CROCC: variants seen among roughly 807,000 people sequenced by gnomAD.
The protein encoded by CROCC is ciliary rootlet coiled-coil, rootletin, also known as rootletin.
CROCC carries 180 observed loss-of-function variants against 245.2 expected under a neutral mutation model. That is an observed-to-expected ratio of 0.73 (90% CI 0.65 to 0.83). The LOEUF (loss-of-function observed/expected upper bound fraction) is 0.83, where lower values mean the gene tolerates loss of function less well. CROCC is among the 40% of genes least tolerant of loss of function. The pLI is 0.00. For missense variants in CROCC, 2,688 were observed against 2,779.4 expected (o/e 0.97, Z 0.74); for synonymous variants, 1,205 against 1,241.6 (o/e 0.97, Z 0.62).
In CROCC at chr1:16,946,282, C is replaced by T. The variant is rs146539995; in HGVS notation, c.2160C>T (p.Leu720=). The stretch of plus-strand genomic sequence containing the variant: ...AGGCTGAGGCTGGCCGCGTGGAGCT[C>T]GAGCTCTCCATGACCAAGCTGAGGG... The part of the protein sequence containing the change: ...LTKAEAGRVE[L]ELSMTKLRAE... Residue 720 remains leucine (L), a synonymous_variant, in exon 16 of 37, where the codon CTC becomes CTT. Coordinates refer to ENST00000375541, the MANE Select transcript of CROCC (RefSeq NM_014675.5). The T allele has an allele frequency of 1.0e-3, 1,612 of 1,613,032 alleles. 2 individuals carry two copies. In the African/African-American group the frequency reaches 0.018, roughly 18 times the overall value.
In CROCC at chr1:16,939,215, CG is replaced by C. The variant is rs1464212435; in HGVS notation, c.1608+78del. Reference sequence around the variant, plus strand: ...GGGGCTCGCGCCCTCCGGGTGGGGGCGGGGGCGGGGGCAGGTCCGGGGCCAG... The same window carrying C: ...GGGGCTCGCGCCCTCCGGGTGGGGGCGGGGCGGGGGCAGGTCCGGGGCCAG... On this transcript the variant is annotated intron_variant, in intron 12 of 36. Coordinates refer to ENST00000375541, the MANE Select transcript of CROCC (RefSeq NM_014675.5). 5 of 491,116 alleles carry C rather than the reference CG, an allele frequency of 1.0e-5. No individual in the cohort carries two copies. The Admixed American group carries it at 2.0e-4, about 19-fold the overall frequency. The allele number at this position is 491,116 out of a possible 1,614,324, so 30.4% of individuals were successfully genotyped here.
Position 16,966,315 on chromosome 1 carries a change from C to T in CROCC, c.4697-93C>T. 2 of 1,447,982 alleles carry T rather than the reference C, an allele frequency of 1.4e-6. No individual in the cohort carries two copies. The highest frequency in any genetic ancestry group is 9.1e-7 in the Non-Finnish European group (1 of 1,094,708). The allele number at this position is 1,447,982 out of a possible 1,614,324, so 89.7% of individuals were successfully genotyped here. A position where few individuals can be genotyped will look rare whatever the true frequency, so the allele number is the denominator to read the frequency against. ...GAAGGGTGCAGACAGTCTGGCCCTG[C>T]ACTGGGTGGAGTGCAGGCTGGACAT... On this transcript the variant is annotated intron_variant, in intron 29 of 36. Coordinates refer to ENST00000375541, the MANE Select transcript of CROCC (RefSeq NM_014675.5). This position sits in a 1 kb window ranked among gnomAD's most constrained non-coding sequence, Gnocchi z 4.8.
At chr1:16,936,605 C>A in intron 8 of CROCC, 32 bp from the exon 9 acceptor site, 2 of 1,535,362 alleles carry the variant, frequency 1.3e-6, no homozygotes, top group South Asian at 1.3e-5. Context: ...GAGCAAGCCC[C>A]ATCCATCCCC....
Position 16,954,781 on chromosome 1 carries a change from G to A in CROCC, c.3369G>A (p.Gln1123=). The change falls in exon 23 of 37, where the codon CAG becomes CAA. Residue 1123 remains glutamine (Q), a synonymous_variant. Coordinates refer to ENST00000375541, the MANE Select transcript of CROCC (RefSeq NM_014675.5). The surrounding 1 kb of genome is among the most constrained non-coding windows in gnomAD (Gnocchi z 4.4). ...LTSELRDLRA[Q]REEAAAAHAQ... is the part of the protein sequence containing the mutation. ...CTGAGCTGCGGGACCTACGGGCCCAGCGGGAGGAGGCTGCTGCGGCCCACG... is the reference window on the plus strand; with the variant it reads ...CTGAGCTGCGGGACCTACGGGCCCAACGGGAGGAGGCTGCTGCGGCCCACG... 1.9e-6 allele frequency: 3 copies of A among 1,554,376 alleles called. No homozygotes were observed. The highest frequency in any genetic ancestry group is 1.2e-5 in the South Asian group (1 of 84,314).
At chr1:16,918,618 T>C (rs1459595138), upstream of CROCC, among the ~76,000 whole-genome samples, 6 of 152,248 alleles carry the variant, frequency 3.9e-5, no homozygotes, top group Non-Finnish European at 7.3e-5. Flanking sequence ...TTCCCCCCTG[T>C]TCTGGTGGGC....
intron 1 of CROCC, among the ~76,000 whole-genome samples, chr1:16,916,693 G>T (rs1390372712): frequency 1.3e-5 from 2 of 152,176 alleles, no homozygotes; most frequent in African/African-American, 4.8e-5. Flanking sequence ...TTATTTTTTT[G>T]GCAGAGATGG....
At position 16,954,252 on chromosome 1, in the gene CROCC, G is replaced by C. The variant is rs774665432; in HGVS notation, c.3216G>C (p.Thr1072=). The C allele has an allele frequency of 3.1e-6, 5 of 1,611,534 alleles. No homozygotes were observed. Among genetic ancestry groups the C allele is most frequent in the Non-Finnish European group, 4.2e-6 (5 of 1,179,782 alleles). The change falls in exon 22 of 37, where the codon ACG becomes ACC. Residue 1072 remains threonine (T), a synonymous_variant. Coordinates refer to ENST00000375541, the MANE Select transcript of CROCC (RefSeq NM_014675.5). This position sits in a 1 kb window ranked among gnomAD's most constrained non-coding sequence, Gnocchi z 4.4. ...QALSLKESEK[T]ALSEKLMGTR... is the part of the protein sequence containing the mutation. ...TGTCTCTGAAGGAGTCTGAGAAGAC[G>C]GCGCTGTCAGAGAAGTTGATGGGTA...
intron 1 of CROCC, among the ~76,000 whole-genome samples, chr1:16,914,244 G>C (rs1255854756): frequency 1.3e-5 from 2 of 152,116 alleles, no homozygotes; most frequent in Admixed American, 1.3e-4. Flanking sequence ...GGGGCTGGGG[G>C]CGCTGTGTGT....
upstream of CROCC, among the ~76,000 whole-genome samples, chr1:16,921,781 C>T (rs1189982880): frequency 6.6e-6 from 1 of 152,234 alleles, no homozygotes; most frequent in Admixed American, 6.5e-5. Flanking sequence ...CTCTCTTCAT[C>T]CTTCCTCTTC....
intron 25 of CROCC, among the ~76,000 whole-genome samples, chr1:16,958,139 G>C (rs890733488): frequency 6.6e-6 from 1 of 152,120 alleles, no homozygotes; most frequent in Non-Finnish European, 1.5e-5. Context: ...TGTTAGATAG[G>C]GATAATGTTA....
At chr1:16,968,100 C>A in intron 30 of CROCC, 103 bp from the exon 31 acceptor site, 2 of 1,221,138 alleles carry the variant, frequency 1.6e-6, no homozygotes, top group Non-Finnish European at 2.3e-6. Context: ...GTAGGTCACC[C>A]TTCGAGGCTG....
chr1:16,916,456 G>A (rs1379418958), intron 1 of CROCC, among the ~76,000 whole-genome samples: 3 of 152,272 alleles, frequency 2.0e-5, no homozygotes, highest in Non-Finnish European at 4.4e-5. Context: ...TCGGCGTCCT[G>A]GGGTGGTGCC....
chr1:16,923,819 TACAGGCATACACC>T lies in CROCC; in HGVS notation c.197-503_197-491del, dbSNP rs1160113963. On this transcript the variant is annotated intron_variant, in intron 2 of 36. Coordinates refer to ENST00000375541, the MANE Select transcript of CROCC (RefSeq NM_014675.5). Reference sequence around the variant, plus strand: ...TCTCAGCCTCCCAAGTAGCTGGGACTACAGGCATACACCACCATGCCCAGCTAATTTTTGTATT... The same window carrying T: ...TCTCAGCCTCCCAAGTAGCTGGGACTACCATGCCCAGCTAATTTTTGTATT... Among the ~76,000 whole-genome samples, 13 of 152,308 alleles carry T rather than the reference TACAGGCATACACC, an allele frequency of 8.5e-5. No individual in the cohort carries two copies. The East Asian group carries it at 2.3e-3, about 27-fold the overall frequency.
chr1:16,972,648 C>A lies in CROCC; in HGVS notation c.*202C>A. 1 of 509,318 alleles carries A rather than the reference C, an allele frequency of 2.0e-6. No individual in the cohort carries two copies. Among genetic ancestry groups the A allele is most frequent in the Non-Finnish European group, 3.5e-6 (1 of 288,356 alleles). 31.5% of individuals were successfully genotyped at this position (509,318 alleles called of 1,614,324 possible). A position where few individuals can be genotyped will look rare whatever the true frequency, so the allele number is the denominator to read the frequency against. ...TCCCAGCAACACCTGCAGTCCAGCC[C>A]CCCTCTTCTAGGATGAGCCACTGTA... On this transcript the variant is annotated 3_prime_UTR_variant, in exon 37 of 37. Coordinates refer to ENST00000375541, the MANE Select transcript of CROCC (RefSeq NM_014675.5).
rs757471392 is a variant in CROCC at position 16,951,114 on chromosome 1, C to T, written c.2998C>T (p.Arg1000Cys). 8 of 1,541,050 alleles carry T rather than the reference C, an allele frequency of 5.2e-6. No individual in the cohort carries two copies. Among genetic ancestry groups the T allele is most frequent in the South Asian group, 4.9e-5 (4 of 81,664 alleles). The change falls in exon 20 of 37, where the codon CGT becomes TGT. Residue 1000 changes from arginine (R) to cysteine (C), a missense_variant. This residue lies in a region of CROCC where 106 missense variants were observed against 126.1 expected (regional missense o/e 0.84). Coordinates refer to ENST00000375541, the MANE Select transcript of CROCC (RefSeq NM_014675.5). ...CGAGGAGGACTTACAGCGACTCCAG[C>T]GTGAAAAGGTTCAGGCAGCTGGGGA... ...AHEEDLQRLQ[R>C]EKEAAWRELE...
chr1:16,969,036 C>T, intron 31 of CROCC, 80 bp from the exon 32 acceptor site: 1 of 1,340,328 alleles, frequency 7.5e-7, no homozygotes, highest in South Asian at 1.3e-5. Context: ...TTGGGCATGC[C>T]AGGTGGAGGT....
At chr1:16,938,732 A>G (rs2075847903) in intron 11 of CROCC, among the ~76,000 whole-genome samples, 177 bp from the exon 12 acceptor site, 1 of 152,280 alleles carries the variant, frequency 6.6e-6, no homozygotes, top group Non-Finnish European at 1.5e-5. Flanking sequence ...AATAAATGGG[A>G]GGCCTCAGCG....
chr1:16,924,563 G>A (rs1418921733), intron 3 of CROCC, 84 bp downstream of exon 3: 1 of 1,515,854 alleles, frequency 6.6e-7, no homozygotes, highest in Non-Finnish European at 8.9e-7. Context: ...CCACACACGG[G>A]GCAAAAGATG....
rs755266485 is a variant in CROCC, at chr1:16,969,235, A to C, written c.5196A>C (p.Thr1732=). ...TGCGGGACAAGGTGCGGGGCCTGACAGAGGCCCTGGCCCAGAGCAGTGCCA... is the reference window on the plus strand; with the variant it reads ...TGCGGGACAAGGTGCGGGGCCTGACCGAGGCCCTGGCCCAGAGCAGTGCCA... ...GALRDKVRGL[T]EALAQSSASL... The change falls in exon 32 of 37, where the codon ACA becomes ACC. Residue 1732 remains threonine, a synonymous_variant. Coordinates refer to ENST00000375541, the MANE Select transcript of CROCC (RefSeq NM_014675.5). 3 of 1,613,316 alleles carry C rather than the reference A, an allele frequency of 1.9e-6. No homozygotes were observed. Among genetic ancestry groups the C allele is most frequent in the Non-Finnish European group, 1.7e-6 (2 of 1,179,834 alleles).
Sources: gnomAD v4.1 joint callset for allele counts (sites outside exome capture counted in the v4.1 genomes callset) on GRCh38, gnomAD v4.1.1 for gene constraint, gnomAD v4.1.1 regional missense constraint, Gnocchi (gnomAD v3.1) non-coding constraint, MANE v1.5 for transcripts, NCBI Gene and HGNC (gene_info 2026-07-23, HGNC 2026-07-21) for gene names.